The following STAB1 variants were observed in gnomAD, a reference collection of about 807,000 sequenced individuals.
STAB1 encodes stabilin-1.
Under a neutral mutation model 332.4 loss-of-function variants are expected in STAB1, and 250 were observed. The ratio of observed to expected loss-of-function variants is 0.75; its 90% CI spans 0.68 to 0.84. The LOEUF (loss-of-function observed/expected upper bound fraction) is 0.84, where lower values mean the gene tolerates loss of function less well. Ranked by LOEUF, STAB1 falls within the 40% of genes least tolerant of loss-of-function variation. The probability of loss-of-function intolerance (pLI) is 0.00; values close to 1 mark genes in which losing one functional copy is unlikely to be tolerated. For synonymous variants in STAB1, 1,475 were observed against 1,390.4 expected (o/e 1.06, Z -1.35); for missense variants, 3,249 against 3,489.7 (o/e 0.93, Z 1.74).
In STAB1 at chr3:52,518,531, C is replaced by A; in HGVS notation, c.4810-5C>A. 1 of 1,581,484 alleles carries A rather than the reference C, an allele frequency of 6.3e-7. No individual in the cohort carries two copies. Among genetic ancestry groups the A allele is most frequent in the East Asian group, 2.3e-5 (1 of 43,728 alleles). On this transcript the variant is annotated splice_polypyrimidine_tract_variant and splice_region_variant and intron_variant, in intron 46 of 68. Coordinates refer to ENST00000321725, the MANE Select transcript of STAB1 (RefSeq NM_015136.3). ...TTCCACTCATGCTGTTGCTGCCTCC[C>A]GCAGGAATATAAGGAGCTCAAGGGC...
At chr3:52,504,654 A>G (rs1708711386) in intron 11 of STAB1, 85 bp from the exon 12 acceptor site, 2 of 1,612,188 alleles carry the variant, frequency 1.2e-6, no homozygotes, top group Admixed American at 1.7e-5. Flanking sequence ...CCTGGGATGC[A>G]TCCTGTCCCC....
chr3:52,513,229 C>T lies in STAB1; in HGVS notation c.3258C>T (p.Arg1086=), dbSNP rs991360192. The change falls in exon 30 of 69, where the codon CGC becomes CGT. Residue 1086 remains arginine, a synonymous_variant. Transcript: ENST00000321725. The part of the protein sequence containing the change: ...TLNPTTRWEI[R]NISGRVWVQN... The stretch of plus-strand genomic sequence containing the variant: ...ACCCCACCACACGCTGGGAGATTCG[C>T]AACATTAGTGGGGTATGTGGTGAAC... 7.6e-6 allele frequency: 12 copies of T among 1,579,202 alleles called. No individual in the cohort carries two copies. The highest frequency in any genetic ancestry group is 2.7e-5 in the African/African-American group (2 of 74,568).
At chr3:52,515,543 G>A in intron 37 of STAB1, 37 bp downstream of exon 37, 1 of 1,609,564 alleles carries the variant, frequency 6.2e-7, no homozygotes, top group Non-Finnish European at 8.5e-7. Context: ...CCTGTCCAGA[G>A]AGAAGGAGGT....
chr3:52,521,818 T>TCTGGGGG, intron 57 of STAB1, 26 bp from the exon 58 acceptor site: 1 of 1,593,288 alleles, frequency 6.3e-7, no homozygotes. Context: ...CTAACCTGGT[T>TCTGGGGG]CTGGGGGCTG....
Position 52,523,571 on chromosome 3 carries a change from CCT to C in STAB1, c.7286_7287del (p.Pro2429ArgfsTer9). 6.2e-7 allele frequency: 1 copy of C among 1,612,798 alleles called. No individual in the cohort carries two copies. The highest frequency in any genetic ancestry group is 8.5e-7 in the Non-Finnish European group (1 of 1,179,998). The part of the protein sequence containing the change: ...DAGPDNSSWA[P>X]VAPGTVVVSR... ...AGGCCCTGACAACAGTTCCTGGGCC[CCT>C]GTGGTGAGTCTGGCCACTGTCCCAC... is the stretch of plus-strand genomic sequence containing the variant. On this transcript the variant is annotated frameshift_variant, in exon 65 of 69. Transcript: ENST00000321725. LOFTEE classifies it high-confidence loss of function.
Position 52,505,065 on chromosome 3 carries a change from C to A in STAB1, c.1440C>A (p.Asn480Lys), listed in dbSNP as rs762431753. 1.2e-6 allele frequency: 2 copies of A among 1,613,832 alleles called. No individual in the cohort carries two copies. The highest frequency in any genetic ancestry group is 1.1e-5 in the South Asian group (1 of 91,084). ...QQTFNIYKANNIAANGVFHVV... is the reference protein window; with the variant it reads ...QQTFNIYKANKIAANGVFHVV... The stretch of plus-strand genomic sequence containing the variant: ...CGTTCAACATCTACAAGGCCAACAA[C>A]ATAGCAGCTAATGGCGTCTTCCACG... Residue 480 changes from asparagine to lysine, a missense_variant, in exon 13 of 69, where the codon AAC (asparagine) becomes AAA (lysine). Asn to Lys is a moderately conservative substitution (Grantham distance 94). Coordinates refer to ENST00000321725, the MANE Select transcript of STAB1 (RefSeq NM_015136.3).
At chr3:52,514,268 C>T (rs1316194932) in intron 33 of STAB1, 55 bp downstream of exon 33, 2 of 1,602,578 alleles carry the variant, frequency 1.2e-6, no homozygotes, top group African/African-American at 1.3e-5. Context: ...AGAGGGCGAG[C>T]CTCCAATCCC....
Position 52,502,026 on chromosome 3 carries a change from AC to A in STAB1, c.356del (p.Pro119HisfsTer131). On this transcript the variant is annotated frameshift_variant, in exon 4 of 69. Transcript: ENST00000321725. LOFTEE classifies it high-confidence loss of function. The part of the protein sequence containing the change: ...RCHECPGGAE[T>X]PCNGHGTCLD... Reference sequence around the variant, plus strand: ...CACAGAATGCCCTGGGGGCGCTGAGACCCCATGCAATGGCCACGGGACCTGC... The same window carrying A: ...CACAGAATGCCCTGGGGGCGCTGAGACCCATGCAATGGCCACGGGACCTGC... 1 of 1,612,852 alleles carries A rather than the reference AC, an allele frequency of 6.2e-7. No individual in the cohort carries two copies. Among genetic ancestry groups the A allele is most frequent in the South Asian group, 1.1e-5 (1 of 91,044 alleles).
At chr3:52,506,922 C>T (rs1708920934) in intron 18 of STAB1, 72 bp downstream of exon 18, 2 of 1,569,636 alleles carry the variant, frequency 1.3e-6, no homozygotes, top group African/African-American at 2.7e-5. Context: ...ATCCTCTTCC[C>T]AGGGAGAGGC....
chr3:52,516,059 C>G lies in STAB1; in HGVS notation c.3965C>G (p.Pro1322Arg). 1 of 1,610,128 alleles carries G rather than the reference C, an allele frequency of 6.2e-7. No individual in the cohort carries two copies. The highest frequency in any genetic ancestry group is 8.5e-7 in the Non-Finnish European group (1 of 1,178,362). The change falls in exon 38 of 69, where the codon CCT becomes CGT. Residue 1322 changes from proline (P) to arginine (R), a missense_variant. Physicochemically the swap from Pro to Arg is moderately radical, Grantham distance 103 (BLOSUM62 -2). Coordinates refer to ENST00000321725, the MANE Select transcript of STAB1 (RefSeq NM_015136.3). ...AKKIQVPDCC[P>R]GFFGTLCEPC... ...CGCCGACAGGTGCCGGACTGCTGCC[C>G]TGGTTTCTTTGGCACGCTGTGTGAG...
Position 52,524,113 on chromosome 3 carries a change from C to CTGA in STAB1, c.7560_7562dup (p.Asp2522dup), listed in dbSNP as rs2079185046. The CTGA allele has an allele frequency of 1.2e-6, 2 of 1,613,590 alleles. No individual in the cohort carries two copies. The highest frequency in any genetic ancestry group is 2.7e-5 in the African/African-American group (2 of 74,960). On this transcript the variant is annotated inframe_insertion, in exon 68 of 69. Transcript: ENST00000321725. ...TGCTGCTCCCAGGCGGAAGATGATGCTGATGACGACTTCTCACCGTGGCAA... is the reference window on the plus strand; with the variant it reads ...TGCTGCTCCCAGGCGGAAGATGATGCTGATGATGACGACTTCTCACCGTGGCAA...
In STAB1 at chr3:52,516,843, C is replaced by T. The variant is rs182108875; in HGVS notation, c.4363+75C>T. 9.7e-5 allele frequency: 154 copies of T among 1,581,088 alleles called. 1 individual carries two copies. The Admixed American group carries it at 1.9e-3, about 20-fold the overall frequency. On this transcript the variant is annotated intron_variant, in intron 41 of 68. Coordinates refer to ENST00000321725, the MANE Select transcript of STAB1 (RefSeq NM_015136.3). Reference sequence around the variant, plus strand: ...GTCCCCACAGAGCCCCCTTCACTTCCTCTAGGCCCAGCCCCCCTCACTGTC... The same window carrying T: ...GTCCCCACAGAGCCCCCTTCACTTCTTCTAGGCCCAGCCCCCCTCACTGTC...
chr3:52,515,000 A>G lies in STAB1; in HGVS notation c.3819A>G (p.Val1273=), dbSNP rs150886766. The G allele has an allele frequency of 8.7e-6, 14 of 1,613,564 alleles. No individual in the cohort carries two copies. The African/African-American group carries it at 1.7e-4, about 20-fold the overall frequency. Residue 1273 remains valine, a synonymous_variant, in exon 36 of 69, where the codon GTA becomes GTG. Coordinates refer to ENST00000321725, the MANE Select transcript of STAB1 (RefSeq NM_015136.3). ...CTTTTTCCCTCTAGGAGAAATGTGTAAACTGCACCAGGAGATTCCGCTGCA... is the reference window on the plus strand; with the variant it reads ...CTTTTTCCCTCTAGGAGAAATGTGTGAACTGCACCAGGAGATTCCGCTGCA... ...SHAEALREKC[V]NCTRRFRCTQ...
rs760382719 is a variant in STAB1, at chr3:52,522,535, T to C, written c.6611-20T>C. 5.0e-6 allele frequency: 8 copies of C among 1,613,068 alleles called. No individual in the cohort carries two copies. The highest frequency in any genetic ancestry group is 2.2e-5 in the East Asian group (1 of 44,872). Reference sequence around the variant, plus strand: ...TTCCTCAGAGCCGGCCAGCTGACCATGCACCCCTCCATTCTGCAGAGAAAC... The same window carrying C: ...TTCCTCAGAGCCGGCCAGCTGACCACGCACCCCTCCATTCTGCAGAGAAAC... On this transcript the variant is annotated intron_variant, in intron 60 of 68. Coordinates refer to ENST00000321725, the MANE Select transcript of STAB1 (RefSeq NM_015136.3).
chr3:52,503,224 G>A (rs560178202), intron 7 of STAB1, 115 bp downstream of exon 7: 1 of 1,497,956 alleles, frequency 6.7e-7, no homozygotes, highest in South Asian at 1.2e-5. Context: ...CCATTCCTAA[G>A]GGGAGCCTAT....
At position 52,507,754 on chromosome 3, in the gene STAB1, G is replaced by C. The variant is rs564052484; in HGVS notation, c.2052+79G>C. 1.4e-4 allele frequency: 217 copies of C among 1,579,572 alleles called. 2 individuals carry two copies. The South Asian group carries it at 2.3e-3, about 17-fold the overall frequency. On this transcript the variant is annotated intron_variant, in intron 19 of 68. Transcript: ENST00000321725. ...CTGCCCTGGGTCACAGGGGTGGGTG[G>C]GGGAAGCAGAGGCTGGGAGGCTAGA...
intron 42 of STAB1, 94 bp from the exon 43 acceptor site, chr3:52,517,226 G>A (rs1173231242): frequency 6.8e-7 from 1 of 1,471,262 alleles, no homozygotes; most frequent in African/African-American, 1.4e-5. Flanking sequence ...TGGGGGCGCT[G>A]AGAGAGGAGG....
At chr3:52,507,132 C>A (rs570614009) in intron 18 of STAB1, among the ~76,000 whole-genome samples, 1 of 152,378 alleles carries the variant, frequency 6.6e-6, no homozygotes, top group Admixed American at 6.5e-5. Flanking sequence ...GTAGCCTCCG[C>A]ATCCTGGGTT....
rs1453328957 is a variant in STAB1, at chr3:52,520,226, A to G, written c.5435A>G (p.Asn1812Ser). Residue 1812 changes from asparagine to serine, a missense_variant, in exon 52 of 69, where the codon AAC becomes AGC. Physicochemically the swap from Asn to Ser is conservative, Grantham distance 46. Transcript: ENST00000321725. ...CAGGCCTTGGCATCTGACCTGCCCA[A>G]CCTGGGCCCACTTCGAACCATGCAT... is the stretch of plus-strand genomic sequence containing the variant. ...NVEALASDLP[N>S]LGPLRTMHGT... The G allele has an allele frequency of 6.2e-7, 1 of 1,613,112 alleles. No homozygotes were observed. Among genetic ancestry groups the G allele is most frequent in the Non-Finnish European group, 8.5e-7 (1 of 1,180,012 alleles).
Sources: gnomAD v4.1 joint callset for allele counts (sites outside exome capture counted in the v4.1 genomes callset) on GRCh38, gnomAD v4.1.1 for gene constraint, MANE v1.5 for transcripts, NCBI Gene and HGNC (gene_info 2026-07-23, HGNC 2026-07-21) for gene names.